The following ASIC2 variants were observed in gnomAD, a reference collection of about 807,000 sequenced individuals.
The protein encoded by ASIC2 is acid-sensing ion channel 2.
A neutral mutation model predicts 57.3 loss-of-function variants in ASIC2; 25 were observed. That is an observed-to-expected ratio of 0.44 (90% CI 0.32 to 0.61). The LOEUF (loss-of-function observed/expected upper bound fraction) is 0.61. Ranked by LOEUF, ASIC2 falls within the 20% of genes least tolerant of loss-of-function variation. The probability of loss-of-function intolerance (pLI) is 0.06; values close to 1 mark genes in which losing one functional copy is unlikely to be tolerated. For synonymous variants in ASIC2, 319 were observed against 307.5 expected, an observed-to-expected ratio of 1.04 and a Z score of -0.39; for missense variants, 641 against 738.1, an observed-to-expected ratio of 0.87 and a Z score of 1.52.
At chr17:33,064,764 C>T (rs1174802852) in intron 3 of ASIC2, among the ~76,000 whole-genome samples, 1 of 152,244 alleles carries the variant, frequency 6.6e-6, no homozygotes, top group Admixed American at 6.5e-5. Flanking sequence ...GTCACTCACG[C>T]TGGGAGCTTT....
intron 1 of ASIC2, among the ~76,000 whole-genome samples, chr17:33,466,498 T>C (rs1011237090): frequency 1.2e-4 from 18 of 152,222 alleles, no homozygotes; most frequent in Admixed American, 7.2e-4. Context: ...AAACCTACTT[T>C]CAAGTTCATA....
chr17:34,090,248 G>C (rs1434165672), intron 1 of ASIC2, among the ~76,000 whole-genome samples: 2 of 152,198 alleles, frequency 1.3e-5, no homozygotes, highest in African/African-American at 4.8e-5. Flanking sequence ...ATAAATCCCA[G>C]GGACAGCCAA....
intron 1 of ASIC2, among the ~76,000 whole-genome samples, chr17:33,213,853 T>A (rs1258115175): frequency 6.6e-6 from 1 of 152,204 alleles, no homozygotes; most frequent in Non-Finnish European, 1.5e-5. Context: ...AGCCCTGGAA[T>A]ACTGATTCTC....
intron 1 of ASIC2, among the ~76,000 whole-genome samples, chr17:34,147,717 C>T (rs1904348498): frequency 1.3e-5 from 2 of 152,136 alleles, no homozygotes; most frequent in South Asian, 2.1e-4. Context: ...GTCAAATGGC[C>T]TTGCTGGTCA....
chr17:33,202,032 A>AG, intron 1 of ASIC2, among the ~76,000 whole-genome samples: 1 of 151,624 alleles, frequency 6.6e-6, no homozygotes, highest in African/African-American at 2.4e-5. Flanking sequence ...AAAAAAAAAA[A>AG]AAAAGAAAAA....
At chr17:34,048,489 G>C (rs1358237013) in intron 1 of ASIC2, among the ~76,000 whole-genome samples, 3 of 152,152 alleles carry the variant, frequency 2.0e-5, no homozygotes, top group Admixed American at 2.0e-4. Flanking sequence ...TTTCAGCACT[G>C]CTGCTGAAGC....
At chr17:33,516,413 T>TGA (rs1310362132) in intron 1 of ASIC2, among the ~76,000 whole-genome samples, 7 of 151,300 alleles carry the variant, frequency 4.6e-5, no homozygotes, top group Admixed American at 2.0e-4. Flanking sequence ...TGTGAGTGTG[T>TGA]GTGTGTGTGT....
chr17:33,315,622 C>T (rs1323941969), intron 1 of ASIC2, among the ~76,000 whole-genome samples: 1 of 152,116 alleles, frequency 6.6e-6, no homozygotes. Flanking sequence ...GCACATGATC[C>T]TGCTGTTTAA....
intron 1 of ASIC2, among the ~76,000 whole-genome samples, chr17:33,351,073 G>T (rs1457458436): frequency 6.6e-6 from 1 of 152,166 alleles, no homozygotes; most frequent in Admixed American, 6.5e-5. Flanking sequence ...AGCCTTTGGT[G>T]TCAGAAAGCC....
intron 1 of ASIC2, among the ~76,000 whole-genome samples, chr17:33,820,549 G>C (rs182678646): frequency 6.6e-6 from 1 of 152,122 alleles, no homozygotes; most frequent in East Asian, 1.9e-4. Flanking sequence ...GCCAATATAC[G>C]TGTATACAAG....
intron 1 of ASIC2, among the ~76,000 whole-genome samples, chr17:34,032,619 T>C (rs1230186300): frequency 2.6e-5 from 4 of 152,026 alleles, no homozygotes; most frequent in African/African-American, 4.8e-5. Context: ...AGGAAACCCA[T>C]CTCACATGCA....
Position 33,292,028 on chromosome 17 carries a change from C to T in ASIC2, c.88G>A (p.Ala30Thr). Residue 30 changes from alanine (A) to threonine (T), a missense_variant, in exon 1 of 10, where the codon GCG becomes ACG. By Grantham distance (58) the Ala-to-Thr change is moderately conservative. Transcript: ENST00000225823. ...FRMAREEPAPAALAAAGQPGG... is the reference protein window; with the variant it reads ...FRMAREEPAPTALAAAGQPGG... Reference sequence around the variant, plus strand: ...GGCTGCCCGGCAGCCGCCAACGCCGCGGGCGCCGGCTCCTCGCGGGCCATG... The same window carrying T: ...GGCTGCCCGGCAGCCGCCAACGCCGTGGGCGCCGGCTCCTCGCGGGCCATG... 8.5e-7 allele frequency: 1 copy of T among 1,172,516 alleles called. No individual in the cohort carries two copies. The highest frequency in any genetic ancestry group is 1.0e-6 in the Non-Finnish European group (1 of 955,666). 72.6% of individuals were successfully genotyped at this position (1,172,516 alleles called of 1,614,324 possible). A position where few individuals can be genotyped will look rare whatever the true frequency, so the allele number is the denominator to read the frequency against.
In ASIC2 at chr17:33,978,163, T is replaced by C. The variant is rs549958940; in HGVS notation, c.555+177815A>G. On this transcript the variant is annotated intron_variant, in intron 1 of 9. Transcript: ENST00000359872. The stretch of plus-strand genomic sequence containing the variant: ...TGTGCTGGCCAGGGCTTGGTGAGCT[T>C]CTCCACTGGATGGTAAACCCCACTC... Among the ~76,000 whole-genome samples, 5 of 152,286 alleles carry C rather than the reference T, an allele frequency of 3.3e-5. No individual in the cohort carries two copies. In the South Asian group the frequency reaches 1.0e-3, roughly 32 times the overall value.
At chr17:33,692,201 G>A (rs1908393283) in intron 1 of ASIC2, 1 of 152,090 alleles carries the variant, frequency 6.6e-6, no homozygotes, top group Admixed American at 6.5e-5. Flanking sequence ...CCCAAAAAAT[G>A]TTGGTTTGTA....
chr17:33,182,563 G>A (rs1335522837), intron 1 of ASIC2, among the ~76,000 whole-genome samples: 7 of 152,198 alleles, frequency 4.6e-5, no homozygotes, highest in African/African-American at 1.4e-4. Context: ...TTGTAATTTT[G>A]ATTTGTTCTT....
rs528894280 is a variant in ASIC2, at chr17:33,087,590, T to TC, written c.987+1272_987+1273insG. ...TACAACCAGTGTTTTTTTTTTTTTT[T>TC]TTTTTGAGACAGGGTCTAGCTCTGT... On this transcript the variant is annotated intron_variant, in intron 3 of 9. Transcript: ENST00000225823. Among the ~76,000 whole-genome samples the TC allele has an allele frequency of 8.8e-4, 131 of 149,130 alleles. 4 individuals are homozygous for TC. The South Asian group carries it at 0.027, about 31-fold the overall frequency.
At chr17:33,078,718 A>G (rs1157016681) in intron 3 of ASIC2, among the ~76,000 whole-genome samples, 2 of 152,164 alleles carry the variant, frequency 1.3e-5, no homozygotes, top group Non-Finnish European at 2.9e-5. Flanking sequence ...ATGAGCCACC[A>G]CACCCAGCCA....
At chr17:33,391,584 G>A (rs1909892157) in intron 1 of ASIC2, among the ~76,000 whole-genome samples, 1 of 152,112 alleles carries the variant, frequency 6.6e-6, no homozygotes, top group Non-Finnish European at 1.5e-5. Flanking sequence ...GTGGTCTCAG[G>A]ACTTTGACGA....
rs142453728 is a variant in ASIC2 at position 33,372,361 on chromosome 17, G to T, written c.556-260294C>A. 2.6e-5 allele frequency among the ~76,000 whole-genome samples: 4 copies of T among 152,208 alleles called. No homozygotes were observed. In the East Asian group the frequency reaches 7.8e-4, roughly 30 times the overall value. On this transcript the variant is annotated intron_variant, in intron 1 of 9. Coordinates refer to the ASIC2 transcript ENST00000359872. ...ACATTGTCCTTGAGTGATCTCCTTT[G>T]TGGGTGGCCTGTGTTTCCTCACCTA...
Sources: gnomAD v4.1 joint callset for allele counts (sites outside exome capture counted in the v4.1 genomes callset) on GRCh38, gnomAD v4.1.1 for gene constraint, MANE v1.5 for transcripts, NCBI Gene and HGNC (gene_info 2026-07-23, HGNC 2026-07-21) for gene names.